Variants in CDC42BPB observed in about 807,000 individuals in gnomAD.
CDC42BPB encodes serine/threonine-protein kinase MRCK beta.
CDC42BPB carries 37 observed loss-of-function variants against 214.9 expected under a neutral mutation model. The ratio of observed to expected loss-of-function variants is 0.17; its 90% CI spans 0.13 to 0.23. CDC42BPB has a LOEUF of 0.23. CDC42BPB is among the 10% of genes least tolerant of loss of function. The pLI, the probability that CDC42BPB is intolerant of heterozygous loss-of-function variation, is 1.00. For synonymous variants in CDC42BPB, 931 were observed against 884.0 expected (o/e 1.05, Z -0.94); for missense variants, 1,694 against 2,227.0 (o/e 0.76, Z 4.82).
At chr14:102,953,850 G>A (rs1249262114) in intron 23 of CDC42BPB, among the ~76,000 whole-genome samples, 2 of 152,174 alleles carry the variant, frequency 1.3e-5, no homozygotes, top group African/African-American at 4.8e-5. Flanking sequence ...TCTAAGTGCA[G>A]GCAGACAAAT....
At position 102,939,605 on chromosome 14, in the gene CDC42BPB, C is replaced by T; in HGVS notation, c.4827+5G>A. On this transcript the variant is annotated splice_donor_5th_base_variant and intron_variant, in intron 34 of 36. Coordinates refer to ENST00000361246, the MANE Select transcript of CDC42BPB (RefSeq NM_006035.4). ...CTGCCCGCCCTATCCCGGCCGTGCA[C>T]GCACCAGAGGCAGGTCCATGAGCAC... The T allele has an allele frequency of 6.2e-7, 1 of 1,604,918 alleles. No individual in the cohort carries two copies. The highest frequency in any genetic ancestry group is 8.5e-7 in the Non-Finnish European group (1 of 1,171,668).
chr14:102,963,302 T>C (rs1310212794), intron 19 of CDC42BPB, 147 bp from the exon 20 acceptor site: 2 of 1,381,332 alleles, frequency 1.4e-6, no homozygotes, highest in Non-Finnish European at 1.9e-6. Context: ...GCCTTTCTAC[T>C]GCAAACACCA....
chr14:103,057,174 G>A lies in CDC42BPB; in HGVS notation c.-1C>T, dbSNP rs1051618765. ...TCTTGAGCCGCACCTTGGCCGACAT[G>A]GTGCCGCGCGGCCCGCTCCCGACGC... On this transcript the variant is annotated 5_prime_UTR_variant, in exon 1 of 37. Transcript: ENST00000361246. 2.0e-5 allele frequency: 28 copies of A among 1,426,626 alleles called. No homozygotes were observed. In the Middle Eastern group the frequency reaches 8.7e-4, roughly 45 times the overall value. The allele number at this position is 1,426,626 out of a possible 1,614,324, so 88.4% of individuals were successfully genotyped here.
At chr14:103,029,599 G>A (rs34528213) in intron 1 of CDC42BPB, among the ~76,000 whole-genome samples, 9,692 of 150,710 alleles carry the variant, frequency 0.064, 408 homozygotes, top group South Asian at 0.17. Flanking sequence ...GCTCATGCCT[G>A]TAATCCCAGC....
At chr14:102,948,959 C>T (rs1035222863) in intron 26 of CDC42BPB, among the ~76,000 whole-genome samples, 2 of 152,158 alleles carry the variant, frequency 1.3e-5, no homozygotes, top group South Asian at 4.1e-4. Flanking sequence ...GACTCACCCT[C>T]GCTGTCCTCA....
intron 5 of CDC42BPB, among the ~76,000 whole-genome samples, chr14:102,997,289 A>T (rs780294986): frequency 5.3e-5 from 8 of 152,208 alleles, no homozygotes; most frequent in Non-Finnish European, 1.2e-4. Context: ...GTGGTTTCCA[A>T]CTAAAATCTC....
At chr14:103,040,866 A>G (rs1026579514) in intron 1 of CDC42BPB, among the ~76,000 whole-genome samples, 1 of 152,240 alleles carries the variant, frequency 6.6e-6, no homozygotes, top group Non-Finnish European at 1.5e-5. Flanking sequence ...TGACCTACAG[A>G]TTCAATGAAA....
intron 1 of CDC42BPB, among the ~76,000 whole-genome samples, chr14:103,048,906 T>G (rs1566927350): frequency 6.6e-6 from 1 of 152,082 alleles, no homozygotes; most frequent in Middle Eastern, 3.4e-3. Context: ...ATGGGATTAT[T>G]ATAAGAAAAG....
chr14:103,053,623 G>A lies in CDC42BPB; in HGVS notation c.175+3376C>T, dbSNP rs563335775. On this transcript the variant is annotated intron_variant, in intron 1 of 36. Coordinates refer to ENST00000361246, the MANE Select transcript of CDC42BPB (RefSeq NM_006035.4). ...AAAAATACAAAAAAATTAGCCAGGC[G>A]TGATGGCGGGCGCCTGTAGTCCCAG... 1.1e-3 allele frequency among the ~76,000 whole-genome samples: 172 copies of A among 151,342 alleles called. 2 individuals are homozygous for A. The highest frequency in any genetic ancestry group is 2.3e-3 in the South Asian group (11 of 4,770).
chr14:103,009,986 G>A lies in CDC42BPB; in HGVS notation c.268-1431C>T, dbSNP rs567818049. Among the ~76,000 whole-genome samples, 1,243 of 152,134 alleles carry A rather than the reference G, an allele frequency of 8.2e-3. 15 individuals are homozygous for A. Among genetic ancestry groups the A allele is most frequent in the Non-Finnish European group, 0.014 (956 of 67,984 alleles). On this transcript the variant is annotated intron_variant, in intron 2 of 36. Transcript: ENST00000361246. ...GCAAGATCCCTGTCTCTACTAAAAA[G>A]AAAAAAAGAAAACAACTAGCCAGGT...
Position 102,966,403 on chromosome 14 carries a change from G to A in CDC42BPB, c.2472-16C>T. 1 of 1,612,200 alleles carries A rather than the reference G, an allele frequency of 6.2e-7. No homozygotes were observed. Among genetic ancestry groups the A allele is most frequent in the East Asian group, 2.2e-5 (1 of 44,816 alleles). On this transcript the variant is annotated splice_polypyrimidine_tract_variant and intron_variant, in intron 17 of 36. Transcript: ENST00000361246. Reference sequence around the variant, plus strand: ...GTCACTGACCCTGGAGGAGGGAACAGATGTTCTATCTCACGAAGCATGGCT... The same window carrying A: ...GTCACTGACCCTGGAGGAGGGAACAAATGTTCTATCTCACGAAGCATGGCT...
chr14:103,033,122 G>A (rs1887483586), intron 1 of CDC42BPB, among the ~76,000 whole-genome samples: 1 of 152,110 alleles, frequency 6.6e-6, no homozygotes, highest in African/African-American at 2.4e-5. Flanking sequence ...TCCTTTTTGG[G>A]GAAAGGGAAT....
At chr14:102,990,151 C>T (rs114135501) in intron 5 of CDC42BPB, among the ~76,000 whole-genome samples, 8,352 of 152,090 alleles carry the variant, frequency 0.055, 256 homozygotes, top group Middle Eastern at 0.075. Context: ...TCAACAAAGG[C>T]GGAAGGGAAG....
chr14:102,990,641 G>A (rs1001095323), intron 5 of CDC42BPB, among the ~76,000 whole-genome samples: 17 of 152,114 alleles, frequency 1.1e-4, no homozygotes, highest in African/African-American at 2.7e-4. Flanking sequence ...ATAGTAATGC[G>A]CATGCCCAGC....
chr14:103,001,907 T>C lies in CDC42BPB; in HGVS notation c.447+2021A>G, dbSNP rs755873463. 1.1e-4 allele frequency among the ~76,000 whole-genome samples: 16 copies of C among 152,130 alleles called. No individual in the cohort carries two copies. The highest frequency in any genetic ancestry group is 1.6e-4 in the Non-Finnish European group (11 of 68,026). Reference sequence around the variant, plus strand: ...CAACGGTCTCCTGGAGCATGGTCTCTGAGGAAAGCTAACGCGGGAGCTCGT... The same window carrying C: ...CAACGGTCTCCTGGAGCATGGTCTCCGAGGAAAGCTAACGCGGGAGCTCGT... On this transcript the variant is annotated intron_variant, in intron 4 of 36. Coordinates refer to ENST00000361246, the MANE Select transcript of CDC42BPB (RefSeq NM_006035.4). This position sits in a 1 kb window ranked among gnomAD's most constrained non-coding sequence, Gnocchi z 5.8.
intron 3 of CDC42BPB, 80 bp downstream of exon 3, chr14:103,008,392 G>A (rs903050632): frequency 3.2e-6 from 3 of 945,770 alleles, no homozygotes; most frequent in Non-Finnish European, 5.2e-6. Context: ...GGTGGCTGCA[G>A]CTTTTCCCCA....
intron 1 of CDC42BPB, among the ~76,000 whole-genome samples, chr14:103,040,205 A>G (rs935967228): frequency 1.3e-5 from 2 of 152,054 alleles, no homozygotes; most frequent in Non-Finnish European, 2.9e-5. Context: ...AAATACAAAC[A>G]TTAGCCAGGC....
In CDC42BPB at chr14:103,004,020, C is replaced by T. The variant is rs1185305624; in HGVS notation, c.355G>A (p.Ala119Thr). 1.1e-5 allele frequency: 18 copies of T among 1,600,100 alleles called. No homozygotes were observed. The highest frequency in any genetic ancestry group is 1.4e-5 in the Non-Finnish European group (17 of 1,177,322). Residue 119 changes from alanine (A) to threonine (T), a missense_variant, in exon 4 of 37, where the codon GCG becomes ACG. Around this residue, in one of 7 missense-constraint regions of CDC42BPB, gnomAD observed 225 missense variants for 459.3 expected, o/e 0.49. Transcript: ENST00000361246. This position sits in a 1 kb window ranked among gnomAD's most constrained non-coding sequence, Gnocchi z 5.3. ...ACATCGCGCTCCTCTCGGAAGCACG[C>T]GGTCTGCAAAGCAACGAGGGGTGTC... The part of the protein sequence containing the change: ...KWEMLKRAET[A>T]CFREERDVLV...
chr14:103,008,631 G>T, intron 2 of CDC42BPB, 76 bp from the exon 3 acceptor site: 1 of 1,578,438 alleles, frequency 6.3e-7, no homozygotes, highest in South Asian at 1.1e-5. Flanking sequence ...AAACTGTAGT[G>T]AAATCCTAAC....
Sources: allele counts gnomAD v4.1 joint callset (sites outside exome capture counted in the v4.1 genomes callset), GRCh38; gene constraint gnomAD v4.1.1; regional missense constraint gnomAD v4.1.1; non-coding constraint Gnocchi (gnomAD v3.1); transcripts MANE v1.5; gene names NCBI Gene and HGNC (gene_info 2026-07-23, HGNC 2026-07-21).